The following EYS variants were observed in gnomAD, a reference collection of about 807,000 sequenced individuals.
EYS encodes the protein EGF-like photoreceptor maintenance factor, also known as protein eyes shut homolog.
EYS carries 250 observed loss-of-function variants against 282.1 expected under a neutral mutation model. The observed-to-expected ratio is 0.89, with a 90% CI of 0.80 to 0.98. The LOEUF is 0.98. EYS is among the 50% of genes least tolerant of loss of function. The probability of loss-of-function intolerance (pLI) is 0.00; values close to 1 mark genes in which losing one functional copy is unlikely to be tolerated. For synonymous variants in EYS, 1,355 were observed against 1,282.9 expected (o/e 1.06, Z -1.20); for missense variants, 4,016 against 3,709.0 (o/e 1.08, Z -2.15).
At chr6:65,126,991 A>T (rs901500901) in intron 12 of EYS, among the ~76,000 whole-genome samples, 17 of 152,142 alleles carry the variant, frequency 1.1e-4, no homozygotes, top group African/African-American at 3.6e-4. Flanking sequence ...ATCAGAGGCT[A>T]TTAGCAATGC....
At chr6:65,266,887 CATATATATAT>C (rs10571039) in intron 12 of EYS, among the ~76,000 whole-genome samples, 1 of 139,584 alleles carries the variant, frequency 7.2e-6, no homozygotes, top group Non-Finnish European at 1.6e-5. Flanking sequence ...AATGTGTGTG[CATATATATAT>C]ATATATATAT....
At chr6:65,619,844 G>T (rs1442629143) in intron 2 of EYS, among the ~76,000 whole-genome samples, 1 of 150,630 alleles carries the variant, frequency 6.6e-6, no homozygotes, top group African/African-American at 2.4e-5. Flanking sequence ...CTGTTTATAT[G>T]CTGGATTACA....
At position 64,119,064 on chromosome 6, in the gene EYS, G is replaced by A. The variant is rs1419557115; in HGVS notation, c.6425-37062C>T. 3.3e-5 allele frequency among the ~76,000 whole-genome samples: 5 copies of A among 152,008 alleles called. No individual in the cohort carries two copies. The East Asian group carries it at 9.6e-4, about 29-fold the overall frequency. On this transcript the variant is annotated intron_variant, in intron 31 of 42. Transcript: ENST00000503581. ...AAATAAATACTGGTAATTATATCAT[G>A]TGCATTCTGTAAATTAAATTTTGTT...
Position 64,692,977 on chromosome 6 carries a change from C to CTTTTTTTTTTTTTTTTTTTT in EYS, c.3444-66752_3444-66733dup, listed in dbSNP as rs67700846. Among the ~76,000 whole-genome samples the CTTTTTTTTTTTTTTTTTTTT allele has an allele frequency of 1.8e-3, 21 of 11,498 alleles. 7 individuals carry two copies. Among genetic ancestry groups the CTTTTTTTTTTTTTTTTTTTT allele is most frequent in the East Asian group, 5.0e-3 (2 of 398 alleles). The allele number at this position is 11,498 out of a possible 152,430, so 7.5% of individuals were successfully genotyped here. A position where few individuals can be genotyped will look rare whatever the true frequency, so the allele number is the denominator to read the frequency against. On this transcript the variant is annotated intron_variant, in intron 22 of 42. Coordinates refer to ENST00000503581, the MANE Select transcript of EYS (RefSeq NM_001142800.2). ...CTTGGGATTGGTTTGGCTGCTTGGG[C>CTTTTTTTTTTTTTTTTTTTT]TTTTTTTTTTTTTTTTTTTTTTGGT...
At chr6:64,936,118 T>C (rs1027362464) in intron 15 of EYS, among the ~76,000 whole-genome samples, 3 of 151,648 alleles carry the variant, frequency 2.0e-5, no homozygotes, top group Admixed American at 6.6e-5. Flanking sequence ...CATATATTAG[T>C]TCTGCAAGGT....
chr6:65,494,912 C>T lies in EYS; in HGVS notation c.499G>A (p.Val167Met). The T allele has an allele frequency of 6.2e-7, 1 of 1,614,144 alleles. No homozygotes were observed. Among genetic ancestry groups the T allele is most frequent in the Non-Finnish European group, 8.5e-7 (1 of 1,180,016 alleles). The stretch of plus-strand genomic sequence containing the variant: ...TGGCAGAACTGCTGTTTCACTGTCA[C>T]ATTTAGTCGAAGTCCCAGTGGACAA... ...SPCPLGLRLN[V>M]TVKQQFCQES... Residue 167 changes from valine to methionine, a missense_variant, in exon 4 of 43, where the codon GTG becomes ATG. Val to Met is a conservative substitution (Grantham distance 21). Coordinates refer to ENST00000503581, the MANE Select transcript of EYS (RefSeq NM_001142800.2).
intron 29 of EYS, among the ~76,000 whole-genome samples, chr6:64,327,019 G>A (rs765256910): frequency 1.3e-5 from 2 of 152,060 alleles, no homozygotes; most frequent in African/African-American, 2.4e-5. Context: ...TGGGGCCCAC[G>A]AGTCAGAAAG....
intron 32 of EYS, among the ~76,000 whole-genome samples, chr6:64,066,999 T>C (rs1164179146): frequency 2.0e-5 from 3 of 152,120 alleles, no homozygotes; most frequent in Admixed American, 6.6e-5. Context: ...GAGAAATATA[T>C]AGAGAAAAGA....
chr6:65,194,947 G>A (rs1037907994), intron 12 of EYS, among the ~76,000 whole-genome samples: 6 of 151,318 alleles, frequency 4.0e-5, no homozygotes, highest in African/African-American at 1.5e-4. Flanking sequence ...TATAGTCTAT[G>A]GGTTTCTATT....
intron 35 of EYS, among the ~76,000 whole-genome samples, chr6:63,955,951 T>C (rs953121515): frequency 1.4e-4 from 22 of 152,144 alleles, no homozygotes; most frequent in Non-Finnish European, 2.5e-4. Context: ...AAATGTTTCT[T>C]CTAACAACCC....
chr6:65,671,758 C>A (rs972451611), intron 1 of EYS, among the ~76,000 whole-genome samples: 5 of 152,134 alleles, frequency 3.3e-5, no homozygotes, highest in Non-Finnish European at 7.3e-5. Context: ...CTTGCCAAAG[C>A]CCTGCCCTTA....
At chr6:65,110,369 A>G (rs960024484) in intron 12 of EYS, among the ~76,000 whole-genome samples, 1 of 152,174 alleles carries the variant, frequency 6.6e-6, no homozygotes, top group African/African-American at 2.4e-5. Context: ...CAAATGTGTA[A>G]GCAAATAAAT....
intron 2 of EYS, among the ~76,000 whole-genome samples, chr6:65,556,073 T>G (rs2127339163): frequency 6.6e-6 from 1 of 152,324 alleles, no homozygotes; most frequent in South Asian, 2.1e-4. Flanking sequence ...CTTCTGCATA[T>G]TGTTGCCCTC....
chr6:64,497,845 T>C (rs1216240633), intron 26 of EYS, among the ~76,000 whole-genome samples: 1 of 152,094 alleles, frequency 6.6e-6, no homozygotes, highest in Non-Finnish European at 1.5e-5. Flanking sequence ...AGAAGAAAGA[T>C]GAATCAGAGC....
chr6:64,077,279 C>T (rs1372008556), intron 32 of EYS, among the ~76,000 whole-genome samples: 1 of 151,906 alleles, frequency 6.6e-6, no homozygotes, highest in Non-Finnish European at 1.5e-5. Context: ...TAATATGATG[C>T]CAGGGAATGC....
chr6:63,843,321 C>T (rs758377751), intron 36 of EYS, among the ~76,000 whole-genome samples: 1 of 152,142 alleles, frequency 6.6e-6, no homozygotes, highest in Non-Finnish European at 1.5e-5. Context: ...AGGGCTTTCT[C>T]ATCCCTTGTA....
At chr6:64,776,963 G>A (rs1016195836) in intron 22 of EYS, among the ~76,000 whole-genome samples, 4 of 152,062 alleles carry the variant, frequency 2.6e-5, no homozygotes, top group Admixed American at 6.6e-5. Context: ...CTCACAGTTC[G>A]GCATGGCTGC....
chr6:64,234,850 C>T (rs906577409), intron 30 of EYS, among the ~76,000 whole-genome samples: 1 of 150,986 alleles, frequency 6.6e-6, no homozygotes, highest in Non-Finnish European at 1.5e-5. Context: ...CAAGGTTCAC[C>T]CATGTTGTTG....
At chr6:65,220,569 C>T (rs111945453) in intron 12 of EYS, among the ~76,000 whole-genome samples, 1,633 of 152,240 alleles carry the variant, frequency 0.011, 32 homozygotes, top group African/African-American at 0.038. Flanking sequence ...TCCATTAAGC[C>T]TCTTTTCTTT....
Sources: gnomAD v4.1 joint callset for allele counts (sites outside exome capture counted in the v4.1 genomes callset) on GRCh38, gnomAD v4.1.1 for gene constraint, MANE v1.5 for transcripts, NCBI Gene and HGNC (gene_info 2026-07-23, HGNC 2026-07-21) for gene names.